Variants in LRRIQ1 observed in about 807,000 individuals in gnomAD.
LRRIQ1 encodes leucine-rich repeat- and IQ domain-containing protein 1.
Under a neutral mutation model 211.9 loss-of-function variants are expected in LRRIQ1, and 210 were observed. The ratio of observed to expected loss-of-function variants is 0.99; its 90% CI spans 0.89 to 1.11. The LOEUF (loss-of-function observed/expected upper bound fraction) is 1.11. Ranked by LOEUF, LRRIQ1 falls within the 50% of genes most tolerant of loss-of-function variation. The pLI, the probability that LRRIQ1 is intolerant of heterozygous loss-of-function variation, is 0.00. For missense variants in LRRIQ1, 2,136 were observed against 1,939.5 expected, an observed-to-expected ratio of 1.10 and a Z score of -1.90; for synonymous variants, 699 against 650.1, an observed-to-expected ratio of 1.08 and a Z score of -1.14.
chr12:85,253,508 T>G (rs1896007018), intron 1 of LRRIQ1, among the ~76,000 whole-genome samples: 1 of 152,174 alleles, frequency 6.6e-6, no homozygotes, highest in African/African-American at 2.4e-5. Flanking sequence ...TGTGGAGATT[T>G]TCATACTTTA....
intron 11 of LRRIQ1, among the ~76,000 whole-genome samples, chr12:85,089,749 T>C (rs1308708602): frequency 6.6e-6 from 1 of 152,190 alleles, no homozygotes; most frequent in Non-Finnish European, 1.5e-5. Context: ...TTGGAACTTG[T>C]ATTTAAAAGG....
At chr12:85,186,460 CT>C (rs1390722300) in intron 24 of LRRIQ1, among the ~76,000 whole-genome samples, 1 of 152,024 alleles carries the variant, frequency 6.6e-6, no homozygotes, top group Non-Finnish European at 1.5e-5. Flanking sequence ...GCATGGTACC[CT>C]TGAGAGTTCT....
At chr12:85,211,840 T>G (rs1592976557) in intron 24 of LRRIQ1, among the ~76,000 whole-genome samples, 1 of 152,204 alleles carries the variant, frequency 6.6e-6, no homozygotes, top group African/African-American at 2.4e-5. Flanking sequence ...ATTTCTTTCC[T>G]TATAGAGAAT....
intron 23 of LRRIQ1, among the ~76,000 whole-genome samples, chr12:85,159,031 G>T (rs1189140388): frequency 1.3e-5 from 2 of 151,682 alleles, no homozygotes; most frequent in East Asian, 3.9e-4. Flanking sequence ...TTTGCAATTT[G>T]AATTAATTCA....
Position 85,057,130 on chromosome 12 carries a change from C to T in LRRIQ1, c.2337C>T (p.Pro779=), listed in dbSNP as rs766210127. The T allele has an allele frequency of 1.4e-5, 22 of 1,580,648 alleles. No homozygotes were observed. The highest frequency in any genetic ancestry group is 1.7e-4 in the Middle Eastern group (1 of 5,894). The change falls in exon 8 of 27, where the codon CCC becomes CCT. Residue 779 remains proline (P), a synonymous_variant. Coordinates refer to ENST00000393217, the MANE Select transcript of LRRIQ1 (RefSeq NM_001079910.2). Reference sequence around the variant, plus strand: ...TGAAATGCCCAGCCAACATGACACCCGCTTTGGATAAACTGGAAATTCTTC... The same window carrying T: ...TGAAATGCCCAGCCAACATGACACCTGCTTTGGATAAACTGGAAATTCTTC... The part of the protein sequence containing the change: ...RPVKCPANMT[P]ALDKLEILRC...
intron 6 of LRRIQ1, 81 bp from the exon 7 acceptor site, chr12:85,052,096 T>A: frequency 2.5e-6 from 2 of 803,910 alleles, no homozygotes; most frequent in Non-Finnish European, 3.8e-6. Flanking sequence ...TTTACAAATA[T>A]ATGTTATGAG....
Position 85,065,348 on chromosome 12 carries a change from A to G in LRRIQ1, c.2478A>G (p.Arg826=). 1.2e-6 allele frequency: 2 copies of G among 1,611,058 alleles called. No homozygotes were observed. Among genetic ancestry groups the G allele is most frequent in the Non-Finnish European group, 1.7e-6 (2 of 1,178,024 alleles). Residue 826 remains arginine, a synonymous_variant, in exon 9 of 27, where the codon CGA becomes CGG. Transcript: ENST00000393217. The part of the protein sequence containing the change: ...ECTNLQFLSL[R]RCGLTSLHSL... ...CAAATCTTCAGTTTCTATCCCTTCG[A>G]CGCTGTGGATTAACTTCTTTGCACA... is the stretch of plus-strand genomic sequence containing the variant.
chr12:85,160,127 C>A (rs906001396), intron 23 of LRRIQ1, among the ~76,000 whole-genome samples: 12 of 151,834 alleles, frequency 7.9e-5, no homozygotes, highest in African/African-American at 2.9e-4. Flanking sequence ...AATCTTGTTT[C>A]TTAATTTGAT....
chr12:85,261,239 CT>C (rs1218003132), intron 1 of LRRIQ1, among the ~76,000 whole-genome samples: 2 of 152,006 alleles, frequency 1.3e-5, no homozygotes, highest in Non-Finnish European at 2.9e-5. Flanking sequence ...TTTATCCCTG[CT>C]TTTTAGTGCT....
intron 25 of LRRIQ1, 89 bp downstream of exon 25, chr12:85,229,738 A>C (rs1177354606): frequency 7.4e-7 from 1 of 1,358,608 alleles, no homozygotes; most frequent in Non-Finnish European, 1.0e-6. Context: ...AACAAACATG[A>C]CTTTATTGCC....
At chr12:85,228,504 C>CA (rs1421319856) in intron 24 of LRRIQ1, among the ~76,000 whole-genome samples, 1 of 152,232 alleles carries the variant, frequency 6.6e-6, no homozygotes, top group South Asian at 2.1e-4. Flanking sequence ...TACTAAGTAA[C>CA]AGAGTTTTAG....
Position 85,186,945 on chromosome 12 carries a change from G to A in LRRIQ1, c.4822+26231G>A, listed in dbSNP as rs748668185. Among the ~76,000 whole-genome samples, 5 of 152,130 alleles carry A rather than the reference G, an allele frequency of 3.3e-5. No homozygotes were observed. The South Asian group carries it at 1.0e-3, about 32-fold the overall frequency. On this transcript the variant is annotated intron_variant, in intron 24 of 26. Coordinates refer to ENST00000393217, the MANE Select transcript of LRRIQ1 (RefSeq NM_001079910.2). The stretch of plus-strand genomic sequence containing the variant: ...ATATATTTTAAACTGCCTTAAAATT[G>A]CAGCTTCAGCACTGTCACCATGAAC...
chr12:85,218,779 A>G (rs1303787341), intron 24 of LRRIQ1, among the ~76,000 whole-genome samples: 1 of 152,068 alleles, frequency 6.6e-6, no homozygotes, highest in Non-Finnish European at 1.5e-5. Flanking sequence ...TCCTATTAAC[A>G]TTTACATTAA....
chr12:85,120,966 G>T (rs1010051035), intron 15 of LRRIQ1, among the ~76,000 whole-genome samples: 5 of 151,356 alleles, frequency 3.3e-5, no homozygotes, highest in East Asian at 3.9e-4. Flanking sequence ...TGTTTTTTTT[G>T]TTTGTTTGTT....
chr12:85,056,306 A>T lies in LRRIQ1; in HGVS notation c.1513A>T (p.Asn505Tyr). The T allele has an allele frequency of 6.3e-7, 1 of 1,592,452 alleles. No individual in the cohort carries two copies. The highest frequency in any genetic ancestry group is 8.5e-7 in the Non-Finnish European group (1 of 1,174,546). ...ELVKQERKYE[N>Y]TDNKTELGNS... is the part of the protein sequence containing the mutation. The stretch of plus-strand genomic sequence containing the variant: ...GGTCAAGCAAGAAAGAAAATATGAA[A>T]ATACAGATAACAAAACTGAATTGGG... The change falls in exon 8 of 27, where the codon AAT becomes TAT. Residue 505 changes from asparagine to tyrosine, a missense_variant. Coordinates refer to ENST00000393217, the MANE Select transcript of LRRIQ1 (RefSeq NM_001079910.2).
At chr12:85,066,393 A>C in intron 9 of LRRIQ1, among the ~76,000 whole-genome samples, 1 of 151,830 alleles carries the variant, frequency 6.6e-6, no homozygotes. Context: ...CCCCACATAC[A>C]ATGGTGAGAC....
At chr12:85,240,277 A>C (rs2137250497) in intron 26 of LRRIQ1, among the ~76,000 whole-genome samples, 1 of 152,278 alleles carries the variant, frequency 6.6e-6, no homozygotes, top group East Asian at 1.9e-4. Context: ...CTACCCCATT[A>C]AAGTGGTTAA....
At chr12:85,253,081 T>C (rs756634524) in intron 1 of LRRIQ1, among the ~76,000 whole-genome samples, 14 of 152,044 alleles carry the variant, frequency 9.2e-5, no homozygotes, top group Admixed American at 2.6e-4. Context: ...AATAGGCTTT[T>C]TTTCTCTCTC....
At chr12:85,150,621 A>G (rs956970445) in intron 19 of LRRIQ1, among the ~76,000 whole-genome samples, 3 of 151,592 alleles carry the variant, frequency 2.0e-5, no homozygotes, top group Non-Finnish European at 3.0e-5. Flanking sequence ...GTACCAAAGC[A>G]TATGTGTTTC....
Sources: gnomAD v4.1 joint callset for allele counts (sites outside exome capture counted in the v4.1 genomes callset) on GRCh38, gnomAD v4.1.1 for gene constraint, MANE v1.5 for transcripts, NCBI Gene and HGNC (gene_info 2026-07-23, HGNC 2026-07-21) for gene names.